Variants in KIAA1328 observed in about 807,000 individuals in gnomAD.
KIAA1328 encodes protein hinderin.
A neutral mutation model predicts 68.1 loss-of-function variants in KIAA1328; 52 were observed. That is an observed-to-expected ratio of 0.76 (90% confidence interval 0.61 to 0.96). The LOEUF (loss-of-function observed/expected upper bound fraction) is 0.96. Ranked by LOEUF, KIAA1328 falls within the 40% of genes least tolerant of loss-of-function variation. KIAA1328 has a pLI of 0.00. For synonymous variants in KIAA1328, 232 were observed against 239.4 expected, an observed-to-expected ratio of 0.97 and a Z score of 0.28; for missense variants, 641 against 677.6, an observed-to-expected ratio of 0.95 and a Z score of 0.60.
chr18:37,021,155 C>G (rs1463447375), intron 6 of KIAA1328, among the ~76,000 whole-genome samples: 1 of 152,166 alleles, frequency 6.6e-6, no homozygotes, highest in East Asian at 1.9e-4. Flanking sequence ...CTAAACAAAG[C>G]ATGAAGCTGG....
chr18:37,108,081 A>AT (rs1453683421), intron 7 of KIAA1328, among the ~76,000 whole-genome samples: 3 of 152,224 alleles, frequency 2.0e-5, no homozygotes, highest in African/African-American at 7.2e-5. Flanking sequence ...TTGTACGTTC[A>AT]TTACTGCACT....
chr18:37,194,189 GTTTGT>G (rs1352326498), intron 9 of KIAA1328, among the ~76,000 whole-genome samples: 2 of 152,168 alleles, frequency 1.3e-5, no homozygotes, highest in African/African-American at 4.8e-5. Context: ...GATGTTACCA[GTTTGT>G]TTTAATAGAG....
intron 6 of KIAA1328, among the ~76,000 whole-genome samples, chr18:37,002,222 TTTTTTC>T (rs1221498644): frequency 7.9e-6 from 1 of 126,262 alleles, no homozygotes; most frequent in African/African-American, 2.8e-5. Flanking sequence ...TTCTTCATTT[TTTTTTC>T]TTTTTTTTTT....
chr18:37,006,916 C>T (rs978134715), intron 6 of KIAA1328, among the ~76,000 whole-genome samples: 5 of 152,228 alleles, frequency 3.3e-5, no homozygotes, highest in African/African-American at 1.2e-4. Flanking sequence ...TTTGTTATGA[C>T]TCACAATAAA....
intron 5 of KIAA1328, among the ~76,000 whole-genome samples, chr18:36,894,562 G>A (rs144519168): frequency 4.0e-5 from 6 of 151,896 alleles, no homozygotes; most frequent in South Asian, 2.1e-4. Flanking sequence ...GTCTTACCAG[G>A]TCATCTAGTT....
intron 4 of KIAA1328, among the ~76,000 whole-genome samples, chr18:36,856,895 A>G (rs1372985113): frequency 6.6e-6 from 1 of 152,134 alleles, no homozygotes; most frequent in Middle Eastern, 3.2e-3. Context: ...TATTTTTACA[A>G]AGACTTCCTT....
intron 7 of KIAA1328, among the ~76,000 whole-genome samples, chr18:37,071,717 T>C (rs536923935): frequency 1.3e-5 from 2 of 152,276 alleles, no homozygotes; most frequent in South Asian, 4.2e-4. Context: ...ACTGTAGTGT[T>C]TTTGAGTATG....
chr18:37,033,618 A>G (rs2054916681), intron 6 of KIAA1328, among the ~76,000 whole-genome samples: 1 of 152,158 alleles, frequency 6.6e-6, no homozygotes, highest in South Asian at 2.1e-4. Context: ...GGTAACAACA[A>G]TTTTCTAAAC....
intron 6 of KIAA1328, among the ~76,000 whole-genome samples, chr18:37,004,665 TACA>T (rs1455066225): frequency 6.6e-6 from 1 of 152,014 alleles, no homozygotes; most frequent in Non-Finnish European, 1.5e-5. Context: ...TGTAAAGTAG[TACA>T]ACAACTATGG....
rs117741843 is a variant in KIAA1328, at chr18:36,909,119, G to A, written c.448+23447G>A. ...TCTGACCAAATAGAATAAAGCTGAAGTGATAGCTAATATGCTTTTTTTTAT... is the reference window on the plus strand; with the variant it reads ...TCTGACCAAATAGAATAAAGCTGAAATGATAGCTAATATGCTTTTTTTTAT... On this transcript the variant is annotated intron_variant, in intron 5 of 9. Coordinates refer to ENST00000280020, the MANE Select transcript of KIAA1328 (RefSeq NM_020776.3). 7.1e-3 allele frequency among the ~76,000 whole-genome samples: 1,073 copies of A among 152,116 alleles called. 7 individuals are homozygous for A. The highest frequency in any genetic ancestry group is 9.1e-3 in the Non-Finnish European group (616 of 67,938).
intron 5 of KIAA1328, among the ~76,000 whole-genome samples, chr18:36,939,519 A>G (rs769557380): frequency 1.4e-4 from 21 of 152,116 alleles, no homozygotes; most frequent in African/African-American, 1.9e-4. Context: ...TTCTAAATAT[A>G]AGGTCATATC....
chr18:36,855,919 C>G (rs1476894470), intron 4 of KIAA1328, among the ~76,000 whole-genome samples: 2 of 151,792 alleles, frequency 1.3e-5, no homozygotes, highest in African/African-American at 2.4e-5. Flanking sequence ...TGTCCCAGCT[C>G]TCCTTTCATT....
chr18:37,084,484 T>TG (rs1382173422), intron 7 of KIAA1328: 1 of 243,472 alleles, frequency 4.1e-6, no homozygotes, highest in Non-Finnish European at 7.7e-6. Context: ...TTGTTTTTTT[T>TG]TTTTTTTTGG....
intron 9 of KIAA1328, among the ~76,000 whole-genome samples, chr18:37,204,443 T>TACAA (rs1325047115): frequency 6.6e-6 from 1 of 152,192 alleles, no homozygotes; most frequent in Non-Finnish European, 1.5e-5. Flanking sequence ...AACAGACATG[T>TACAA]ACACAGGTAT....
At chr18:37,118,007 T>C (rs2058166288) in intron 7 of KIAA1328, among the ~76,000 whole-genome samples, 1 of 118,420 alleles carries the variant, frequency 8.4e-6, no homozygotes, top group Admixed American at 8.1e-5. Flanking sequence ...TTGCTTTCTT[T>C]CTTTTTTTTT....
intron 3 of KIAA1328, among the ~76,000 whole-genome samples, chr18:36,842,497 C>T (rs189055826): frequency 1.8e-4 from 27 of 152,222 alleles, no homozygotes; most frequent in Middle Eastern, 3.4e-3. Flanking sequence ...TTAGACTTAG[C>T]ATCTCAAAGC....
intron 7 of KIAA1328, among the ~76,000 whole-genome samples, chr18:37,126,804 A>G (rs1004153275): frequency 6.6e-5 from 10 of 152,210 alleles, no homozygotes; most frequent in Admixed American, 6.5e-4. Context: ...TGAAAATCAT[A>G]CATATGATTT....
intron 5 of KIAA1328, among the ~76,000 whole-genome samples, chr18:36,913,224 G>A (rs888181380): frequency 6.6e-6 from 1 of 151,698 alleles, no homozygotes; most frequent in Non-Finnish European, 1.5e-5. Context: ...GTAATGTTCT[G>A]AAGAACTTTT....
intron 6 of KIAA1328, among the ~76,000 whole-genome samples, chr18:37,066,481 A>C (rs189368914): frequency 1.3e-5 from 2 of 150,736 alleles, no homozygotes; most frequent in East Asian, 1.9e-4. Flanking sequence ...CATGCTGTGT[A>C]ATGGCCAAAG....
Sources: gnomAD v4.1 joint callset for allele counts (sites outside exome capture counted in the v4.1 genomes callset) on GRCh38, gnomAD v4.1.1 for gene constraint, MANE v1.5 for transcripts, NCBI Gene and HGNC (gene_info 2026-07-23, HGNC 2026-07-21) for gene names.